Variants in DENND2B observed in about 807,000 individuals in gnomAD.
DENND2B encodes DENN domain-containing protein 2B.
A neutral mutation model predicts 116.0 loss-of-function variants in DENND2B; 32 were observed. The observed-to-expected ratio is 0.28, with a 90% confidence interval of 0.21 to 0.37. The LOEUF (loss-of-function observed/expected upper bound fraction) is 0.37, where lower values mean the gene tolerates loss of function less well. DENND2B is among the 10% of genes least tolerant of loss of function. The probability of loss-of-function intolerance (pLI) is 1.00; values close to 1 mark genes in which losing one functional copy is unlikely to be tolerated. For synonymous variants in DENND2B, 588 were observed against 583.9 expected, an observed-to-expected ratio of 1.01 and a Z score of -0.10; for missense variants, 1,276 against 1,477.7, an observed-to-expected ratio of 0.86 and a Z score of 2.24.
At chr11:8,872,549 G>A (rs1193476854), upstream of DENND2B, among the ~76,000 whole-genome samples, 3 of 149,538 alleles carry the variant, frequency 2.0e-5, no homozygotes, top group East Asian at 1.9e-4. Flanking sequence ...GGTCAAGATC[G>A]AACACAAGTA....
In DENND2B at chr11:8,702,437, T is replaced by A; in HGVS notation, c.2720+135A>T. 1 of 1,284,638 alleles carries A rather than the reference T, an allele frequency of 7.8e-7. No individual in the cohort carries two copies. Among genetic ancestry groups the A allele is most frequent in the Non-Finnish European group, 1.1e-6 (1 of 938,370 alleles). The allele number at this position is 1,284,638 out of a possible 1,614,324, so 79.6% of individuals were successfully genotyped here. ...ACAGGGGTGCTACCTTTCCACCTAG[T>A]CTTCCATCTCCCTACGCACAGCCCC... On this transcript the variant is annotated intron_variant, in intron 14 of 19. Coordinates refer to ENST00000313726, the MANE Select transcript of DENND2B (RefSeq NM_213618.2). The surrounding 1 kb of genome is among the most constrained non-coding windows in gnomAD (Gnocchi z 4.6).
At chr11:8,782,748 G>T (rs896363012) in intron 1 of DENND2B, among the ~76,000 whole-genome samples, 1 of 151,806 alleles carries the variant, frequency 6.6e-6, no homozygotes, top group Admixed American at 6.6e-5. Flanking sequence ...TTAGGCGGGC[G>T]TGGGGGTGGG....
chr11:8,735,888 G>A (rs2048940481), intron 2 of DENND2B, among the ~76,000 whole-genome samples: 1 of 152,236 alleles, frequency 6.6e-6, no homozygotes, highest in Non-Finnish European at 1.5e-5. Flanking sequence ...GGATGGGAGA[G>A]AGTGCTCATT....
Position 8,730,764 on chromosome 11 carries a change from C to T in DENND2B, c.526G>A (p.Glu176Lys). The change falls in exon 3 of 20, where the codon GAG becomes AAG. Residue 176 changes from glutamate (E) to lysine (K), a missense_variant. Glu to Lys is a moderately conservative substitution (Grantham distance 56). Transcript: ENST00000313726. This position sits in a 1 kb window ranked among gnomAD's most constrained non-coding sequence, Gnocchi z 4.1. ...CACATGCTCATCCTGGGCGACGCCT[C>T]TCGGCGACCTTCCCATGCTGATATC... is the stretch of plus-strand genomic sequence containing the variant. ...EKISAWEGRR[E>K]ASPRMSMCGE... is the part of the protein sequence containing the mutation. The T allele has an allele frequency of 6.2e-7, 1 of 1,612,762 alleles. No individual in the cohort carries two copies. The highest frequency in any genetic ancestry group is 8.5e-7 in the Non-Finnish European group (1 of 1,179,992).
At chr11:8,726,447 A>C in intron 3 of DENND2B, 5 of 418,870 alleles carry the variant, frequency 1.2e-5, no homozygotes, top group Non-Finnish European at 1.3e-5. Context: ...GATAACAACT[A>C]CCCCAGCTTA....
At chr11:8,773,925 C>T (rs773339682) in intron 1 of DENND2B, among the ~76,000 whole-genome samples, 5 of 152,318 alleles carry the variant, frequency 3.3e-5, no homozygotes, top group Middle Eastern at 3.4e-3. Context: ...TGGCTTATCA[C>T]AGTTTCCTCT....
intron 1 of DENND2B, among the ~76,000 whole-genome samples, chr11:8,779,806 C>T (rs538553406): frequency 5.3e-5 from 8 of 152,340 alleles, no homozygotes; most frequent in Admixed American, 3.3e-4. Context: ...TGAGCCACCA[C>T]GCCCGGCCAA....
upstream of DENND2B, among the ~76,000 whole-genome samples, chr11:8,874,945 G>T (rs937186956): frequency 1.3e-4 from 19 of 151,868 alleles, no homozygotes; most frequent in African/African-American, 4.1e-4. Flanking sequence ...TATTGGGGCT[G>T]TGGGGCCTTA....
chr11:8,754,029 G>GCGCGCGCACACA lies in DENND2B; in HGVS notation c.-25-3305_-25-3304insTGTGTGCGCGCG, dbSNP rs146486674. The stretch of plus-strand genomic sequence containing the variant: ...TTCTTAGATATAACACCAAAAGCGC[G>GCGCGCGCACACA]CACACACACACACACACACACACAC... On this transcript the variant is annotated intron_variant, in intron 1 of 19. Coordinates refer to ENST00000313726, the MANE Select transcript of DENND2B (RefSeq NM_213618.2). Among the ~76,000 whole-genome samples, 985 of 138,826 alleles carry GCGCGCGCACACA rather than the reference G, an allele frequency of 7.1e-3. 7 individuals are homozygous for GCGCGCGCACACA. Among genetic ancestry groups the GCGCGCGCACACA allele is most frequent in the African/African-American group, 9.9e-3 (362 of 36,618 alleles). The allele number at this position is 138,826 out of a possible 152,430, so 91.1% of individuals were successfully genotyped here. A position where few individuals can be genotyped will look rare whatever the true frequency, so the allele number is the denominator to read the frequency against.
chr11:8,858,693 G>C (rs1191666642), intron 2 of DENND2B, among the ~76,000 whole-genome samples: 1 of 152,168 alleles, frequency 6.6e-6, no homozygotes, highest in East Asian at 1.9e-4. Context: ...AGAAGAGACT[G>C]CAAAGACAGG....
chr11:8,752,878 C>G (rs1321919406), intron 1 of DENND2B, among the ~76,000 whole-genome samples: 1 of 152,128 alleles, frequency 6.6e-6, no homozygotes, highest in African/African-American at 2.4e-5. Flanking sequence ...AAGGATTCCA[C>G]TAAAAAACCT....
chr11:8,776,156 G>GCACACACACA (rs752637012), intron 1 of DENND2B: 5,873 of 316,072 alleles, frequency 0.019, 66 homozygotes, highest in Admixed American at 0.037. Flanking sequence ...GCACGCGCGC[G>GCACACACACA]CGCGCACACA....
At chr11:8,832,920 G>C (rs1353408482) in intron 4 of DENND2B, among the ~76,000 whole-genome samples, 1 of 152,230 alleles carries the variant, frequency 6.6e-6, no homozygotes, top group Admixed American at 6.5e-5. Context: ...TGTCAGCAAG[G>C]GTCTTAGGGA....
At position 8,818,514 on chromosome 11, in the gene DENND2B, G is replaced by C. The variant is rs537186328; in HGVS notation, c.-114-7179C>G. On this transcript the variant is annotated intron_variant, in intron 4 of 6. Coordinates refer to the DENND2B transcript ENST00000524757. ...AGAGTAAGATCTGGGCAAGGCTGTA[G>C]GAAGTGTGAGCCCAGACTGTGCCAA... Among the ~76,000 whole-genome samples the C allele has an allele frequency of 3.3e-5, 5 of 152,206 alleles. No homozygotes were observed. The South Asian group carries it at 1.0e-3, about 32-fold the overall frequency.
At chr11:8,752,852 G>T (rs1225229532) in intron 1 of DENND2B, among the ~76,000 whole-genome samples, 1 of 152,174 alleles carries the variant, frequency 6.6e-6, no homozygotes, top group Non-Finnish European at 1.5e-5. Flanking sequence ...GCATGATTTT[G>T]TATGTAGAAA....
intron 1 of DENND2B, among the ~76,000 whole-genome samples, chr11:8,899,137 T>C (rs933643331): frequency 2.0e-5 from 3 of 151,646 alleles, no homozygotes; most frequent in Non-Finnish European, 4.4e-5. Flanking sequence ...GGAAGATAGA[T>C]AGATCAATAG....
chr11:8,827,350 G>T (rs2062018054), intron 4 of DENND2B, among the ~76,000 whole-genome samples: 3 of 152,190 alleles, frequency 2.0e-5, no homozygotes. Flanking sequence ...GGACTCCAGA[G>T]GCTAAAACTG....
chr11:8,909,180 GA>G (rs2064276534), intron 1 of DENND2B, among the ~76,000 whole-genome samples: 1 of 152,154 alleles, frequency 6.6e-6, no homozygotes, highest in Admixed American at 6.5e-5. Flanking sequence ...CAGAACCACA[GA>G]GCAAAAAAGT....
In DENND2B at chr11:8,877,736, A is replaced by G. The variant is rs561973418; in HGVS notation, c.-156+3274T>C. 7.2e-5 allele frequency among the ~76,000 whole-genome samples: 11 copies of G among 152,304 alleles called. No homozygotes were observed. In the East Asian group the frequency reaches 2.1e-3, roughly 29 times the overall value. The stretch of plus-strand genomic sequence containing the variant: ...ATTTAATATCATTTTGTCATTCTCC[A>G]TCTTACTGGCAAAACAGAAATCCAT... On this transcript the variant is annotated intron_variant, in intron 2 of 22. Coordinates refer to the DENND2B transcript ENST00000534127.
Sources: gnomAD v4.1 joint callset for allele counts (sites outside exome capture counted in the v4.1 genomes callset) on GRCh38, gnomAD v4.1.1 for gene constraint, Gnocchi (gnomAD v3.1) non-coding constraint, MANE v1.5 for transcripts, NCBI Gene and HGNC (gene_info 2026-07-23, HGNC 2026-07-21) for gene names.